FASN: variants seen among roughly 807,000 people sequenced by gnomAD.
FASN encodes 3-hydroxyacyl-[acyl-carrier-protein] dehydratase.
Under a neutral mutation model 250.0 loss-of-function variants are expected in FASN, and 50 were observed. That is an observed-to-expected ratio of 0.20 (90% CI 0.16 to 0.25). FASN has a LOEUF of 0.25. Among genes scored for constraint, FASN ranks in the 10% least tolerant of loss-of-function variants. The pLI is 1.00. For synonymous variants in FASN, 1,909 were observed against 1,584.0 expected (o/e 1.21, Z -4.87); for missense variants, 3,031 against 3,498.5 (o/e 0.87, Z 3.37).
At position 82,093,384 on chromosome 17, in the gene FASN, T is replaced by C; in HGVS notation, c.490A>G (p.Ser164Gly). 1 of 1,604,612 alleles carries C rather than the reference T, an allele frequency of 6.2e-7. No homozygotes were observed. Among genetic ancestry groups the C allele is most frequent in the South Asian group, 1.1e-5 (1 of 89,390 alleles). ...TAGGCGTTCTGCAGGGCCATCAGGC[T>C]GGAGGAGCAGGCTGTGTCCAGTGCG... ...SIALDTACSS[S>G]LMALQNAYQA... Residue 164 changes from serine (S) to glycine (G), a missense_variant, in exon 5 of 43, where the codon AGC becomes GGC. Ser to Gly is a moderately conservative substitution (Grantham distance 56, BLOSUM62 0). Transcript: ENST00000306749.
chr17:82,083,738 C>A (rs2034034151), intron 30 of FASN, 34 bp downstream of exon 30: 1 of 1,610,554 alleles, frequency 6.2e-7, no homozygotes, highest in Admixed American at 1.7e-5. Context: ...GGAGGCTAGG[C>A]AGGAGGCAGG....
Position 82,092,737 on chromosome 17 carries a change from T to C in FASN, c.854A>G (p.Glu285Gly). ...SLYQSAGVAPESFEYIEAHGT... is the reference protein window; with the variant it reads ...SLYQSAGVAPGSFEYIEAHGT... ...GTGGGCTTCGATGTATTCAAATGAC[T>C]CAGGGGCCACTCCGGCCGACTGGTA... Residue 285 changes from glutamate to glycine, a missense_variant, in exon 7 of 43, where the codon GAG becomes GGG. Coordinates refer to ENST00000306749, the MANE Select transcript of FASN (RefSeq NM_004104.5). The C allele has an allele frequency of 6.2e-7, 1 of 1,603,404 alleles. No individual in the cohort carries two copies. Among genetic ancestry groups the C allele is most frequent in the Non-Finnish European group, 8.5e-7 (1 of 1,177,136 alleles).
rs1321627510 is a variant in FASN at position 82,096,422 on chromosome 17, G to A, written c.24C>T (p.Gly8=). 6.2e-7 allele frequency: 1 copy of A among 1,612,582 alleles called. No homozygotes were observed. Among genetic ancestry groups the A allele is most frequent in the Admixed American group, 1.7e-5 (1 of 60,036 alleles). ...CCGACTCTGGCAGCTTCCCGGACAT[G>A]CCGGCAATCACCACCTCCTCCATGG... MEEVVIA[G]MSGKLPESEN... The change falls in exon 2 of 43, where the codon GGC becomes GGT. Residue 8 remains glycine (G), a synonymous_variant. Transcript: ENST00000306749.
Position 82,082,022 on chromosome 17 carries a change from G to A in FASN, c.6150C>T (p.His2050=), listed in dbSNP as rs141294544. 331 of 1,608,902 alleles carry A rather than the reference G, an allele frequency of 2.1e-4. 1 individual carries two copies. The highest frequency in any genetic ancestry group is 2.7e-4 in the Non-Finnish European group (323 of 1,179,938). Residue 2050 remains histidine (H), a synonymous_variant, in exon 36 of 43, where the codon CAC becomes CAT. Transcript: ENST00000306749. ...GGTGGGGCCCACCTGGGAGGCCTTC[G>A]TGCCGGCGTTTCTCACAGATACGCT... is the stretch of plus-strand genomic sequence containing the variant. ...AMERICEKRR[H]EGLPGLAVQW...
chr17:82,079,304 C>T (rs752531657), intron 42 of FASN, 24 bp from the exon 43 acceptor site: 12 of 1,612,896 alleles, frequency 7.4e-6, no homozygotes, highest in African/African-American at 5.3e-5. Flanking sequence ...GATCAGCTGC[C>T]GTCCCACCCC....
chr17:82,082,232 G>A (rs1012528117), intron 35 of FASN, 72 bp from the exon 36 acceptor site: 27 of 1,601,632 alleles, frequency 1.7e-5, no homozygotes, highest in South Asian at 1.3e-4. Flanking sequence ...CCCAGGAAAC[G>A]CCAGAGAGGG....
rs2033931584 is a variant in FASN at position 82,078,580 on chromosome 17, G to C, written c.*563C>G. ...GGCTGTGCGGGGGGCCGCTGGGTGT[G>C]GCCGGGCCCTGTGTGCCTGTGCAGG... is the stretch of plus-strand genomic sequence containing the variant. On this transcript the variant is annotated 3_prime_UTR_variant, in exon 43 of 43. Coordinates refer to ENST00000306749, the MANE Select transcript of FASN (RefSeq NM_004104.5). The surrounding 1 kb of genome is among the most constrained non-coding windows in gnomAD (Gnocchi z 5.4). 6.0e-6 allele frequency: 1 copy of C among 167,518 alleles called. No individual in the cohort carries two copies. The highest frequency in any genetic ancestry group is 2.4e-5 in the African/African-American group (1 of 41,518). 10.4% of individuals were successfully genotyped at this position (167,518 alleles called of 1,614,324 possible).
chr17:82,080,945 C>T, intron 38 of FASN, 23 bp from the exon 39 acceptor site: 1 of 1,580,698 alleles, frequency 6.3e-7, no homozygotes, highest in Non-Finnish European at 8.6e-7. Flanking sequence ...GGGCAGATGC[C>T]AGGCTGGTCT....
chr17:82,083,107 C>A lies in FASN; in HGVS notation c.5574G>T (p.Ala1858=). Residue 1858 remains alanine (A), a synonymous_variant, in exon 33 of 43, where the codon GCG becomes GCT. Coordinates refer to ENST00000306749, the MANE Select transcript of FASN (RefSeq NM_004104.5). ...CCTTCAGCACTGCCTCCGGCTCCTC[C>A]GCAAGCACCTGCGTCCAAGCAGCAC... ...HIGKVVVQVL[A]EEPEAVLKGA... is the part of the protein sequence containing the mutation. 6.2e-7 allele frequency: 1 copy of A among 1,610,352 alleles called. No homozygotes were observed. The highest frequency in any genetic ancestry group is 8.5e-7 in the Non-Finnish European group (1 of 1,179,948).
chr17:82,096,467 G>C lies in FASN; in HGVS notation c.-7-15C>G, dbSNP rs2034305583. On this transcript the variant is annotated splice_polypyrimidine_tract_variant and intron_variant, in intron 1 of 42. Coordinates refer to ENST00000306749, the MANE Select transcript of FASN (RefSeq NM_004104.5). ...CCATGGCTGCTCTGCAGGGCGGGCG[G>C]TGTGAGTGCCCCACACATCCCGGCC... 1 of 1,609,220 alleles carries C rather than the reference G, an allele frequency of 6.2e-7. No individual in the cohort carries two copies.
In FASN at chr17:82,083,027, T is replaced by C. The variant is rs1257434066; in HGVS notation, c.5654A>G (p.Lys1885Arg). ...CAGACCACCAGCGATGATGTAGCTC[T>C]TGTGGGCCGGGCAGAAGGTCTTGGA... ...AISKTFCPAH[K>R]SYIIAGGLGG... Residue 1885 changes from lysine to arginine, a missense_variant, in exon 33 of 43, where the codon AAG becomes AGG. Lys to Arg is a conservative substitution (Grantham distance 26). Transcript: ENST00000306749. 1 of 1,612,772 alleles carries C rather than the reference T, an allele frequency of 6.2e-7. No individual in the cohort carries two copies. Among genetic ancestry groups the C allele is most frequent in the Non-Finnish European group, 8.5e-7 (1 of 1,179,846 alleles).
At position 82,086,367 on chromosome 17, in the gene FASN, G is replaced by T; in HGVS notation, c.3619C>A (p.Pro1207Thr). 1 of 1,608,922 alleles carries T rather than the reference G, an allele frequency of 6.2e-7. No individual in the cohort carries two copies. ...ELAQVLAQER[P>T]KLPEDPLLSG... Reference sequence around the variant, plus strand: ...AGCAGAGGGTCCTCTGGCAGCTTGGGCCTCTCCTGGGCCAGCACCTGCGCC... The same window carrying T: ...AGCAGAGGGTCCTCTGGCAGCTTGGTCCTCTCCTGGGCCAGCACCTGCGCC... Residue 1207 changes from proline (P) to threonine (T), a missense_variant, in exon 22 of 43, where the codon CCC becomes ACC. Physicochemically the swap from Pro to Thr is conservative, Grantham distance 38. Coordinates refer to ENST00000306749, the MANE Select transcript of FASN (RefSeq NM_004104.5).
In FASN at chr17:82,084,056, T is replaced by C; in HGVS notation, c.5017A>G (p.Ile1673Val). ...CCCACGCCGCCCGAGCCCGAGTGGA[T>C]GAGCAGCGTCTCCCCGGGGCGCACC... The part of the protein sequence containing the change: ...GRVRPGETLL[I>V]HSGSGGVGQA... The change falls in exon 29 of 43, where the codon ATC becomes GTC. Residue 1673 changes from isoleucine (I) to valine (V), a missense_variant. By Grantham distance (29) the Ile-to-Val change is conservative. Transcript: ENST00000306749. The C allele has an allele frequency of 6.5e-7, 1 of 1,547,234 alleles. No individual in the cohort carries two copies.
At position 82,082,800 on chromosome 17, in the gene FASN, G is replaced by A. The variant is rs1252984212; in HGVS notation, c.5767+114C>T. On this transcript the variant is annotated intron_variant, in intron 33 of 42. Transcript: ENST00000306749. Reference sequence around the variant, plus strand: ...CCAGCAAGCCCCCCACAAGATGGAGGGGGACAGACCCCAGGCACCGTGACA... The same window carrying A: ...CCAGCAAGCCCCCCACAAGATGGAGAGGGACAGACCCCAGGCACCGTGACA... The A allele has an allele frequency of 3.2e-6, 5 of 1,547,052 alleles. No individual in the cohort carries two copies. In the African/African-American group the frequency reaches 4.1e-5, roughly 13 times the overall value.
intron 18 of FASN, 33 bp downstream of exon 18, chr17:82,087,921 C>T (rs376712600): frequency 6.2e-7 from 1 of 1,612,096 alleles, no homozygotes; most frequent in African/African-American, 1.3e-5. Context: ...CGGGCACAGC[C>T]TCCGCAGCTC....
At chr17:82,094,941 G>A (rs1410099620) in intron 3 of FASN, among the ~76,000 whole-genome samples, 3 of 145,766 alleles carry the variant, frequency 2.1e-5, no homozygotes, top group Non-Finnish European at 4.6e-5. Context: ...AGGGTGGGAG[G>A]GGAGAGACAG....
intron 40 of FASN, 51 bp downstream of exon 40, chr17:82,080,319 T>C (rs751150468): frequency 6.2e-7 from 1 of 1,609,962 alleles, no homozygotes; most frequent in Non-Finnish European, 8.5e-7. Context: ...AGGGCACAGG[T>C]GGGGAGCCCA....
At position 82,079,986 on chromosome 17, in the gene FASN, G is replaced by C; in HGVS notation, c.7146+154C>G. 7.0e-6 allele frequency: 6 copies of C among 858,300 alleles called. No individual in the cohort carries two copies. The East Asian group carries it at 1.6e-4, about 23-fold the overall frequency. 53.2% of individuals were successfully genotyped at this position (858,300 alleles called of 1,614,324 possible). On this transcript the variant is annotated intron_variant, in intron 41 of 42. Transcript: ENST00000306749. ...GCCTCCCAAAGTGCCGGGATTACAGGCATGAGCAACCGCATCCGGCCGGGA... is the reference window on the plus strand; with the variant it reads ...GCCTCCCAAAGTGCCGGGATTACAGCCATGAGCAACCGCATCCGGCCGGGA...
rs369446637 is a variant in FASN at position 82,095,769 on chromosome 17, C to T, written c.128-297G>A. Among the ~76,000 whole-genome samples the T allele has an allele frequency of 3.3e-5, 5 of 152,320 alleles. No homozygotes were observed. The East Asian group carries it at 9.7e-4, about 29-fold the overall frequency. On this transcript the variant is annotated intron_variant, in intron 2 of 42. Transcript: ENST00000306749. ...TGGGGGACCATCTGCCGGGCTGGTG[C>T]CTCGGCTCTACCATGCTGACTCACA...
Sources: allele counts gnomAD v4.1 joint callset (sites outside exome capture counted in the v4.1 genomes callset), GRCh38; gene constraint gnomAD v4.1.1; non-coding constraint Gnocchi (gnomAD v3.1); transcripts MANE v1.5; gene names NCBI Gene and HGNC (gene_info 2026-07-23, HGNC 2026-07-21).